Variants in DGKG observed in about 807,000 individuals in gnomAD.
DGKG encodes DAG kinase gamma.
DGKG carries 78 observed loss-of-function variants against 105.3 expected under a neutral mutation model. That is an observed-to-expected ratio of 0.74 (90% confidence interval 0.62 to 0.89). DGKG has a LOEUF of 0.89. Ranked by LOEUF, DGKG falls within the 40% of genes least tolerant of loss-of-function variation. The pLI is 0.00. For missense variants in DGKG, 958 were observed against 1,020.1 expected (o/e 0.94, Z 0.83); for synonymous variants, 346 against 367.1 (o/e 0.94, Z 0.66).
intron 5 of DGKG, among the ~76,000 whole-genome samples, chr3:186,289,383 TAGG>T (rs553673055): frequency 2.6e-4 from 39 of 152,242 alleles, no homozygotes; most frequent in African/African-American, 9.2e-4. Context: ...CTCCAGAAAC[TAGG>T]AAGAACTCAA....
At chr3:186,194,803 T>TAAAAAAAAAAAAAAAAAAAAAAAAA (rs57878064) in intron 21 of DGKG, among the ~76,000 whole-genome samples, 2 of 105,402 alleles carry the variant, frequency 1.9e-5, no homozygotes, top group Admixed American at 1.2e-4. Flanking sequence ...GGTCTTTCTT[T>TAAAAAAAAAAAAAAAAAAAAAAAAA]AAAAAAAAAA....
chr3:186,273,364 C>A (rs1174784845), intron 10 of DGKG, among the ~76,000 whole-genome samples: 1 of 88,816 alleles, frequency 1.1e-5, no homozygotes, highest in Non-Finnish European at 2.3e-5. Flanking sequence ...GACTGTTGTA[C>A]CCCTTTTTTT....
At chr3:186,310,276 A>AC (rs1449481564) in intron 2 of DGKG, among the ~76,000 whole-genome samples, 17 of 148,728 alleles carry the variant, frequency 1.1e-4, no homozygotes, top group Admixed American at 1.1e-3. Flanking sequence ...AAAAAAAAAA[A>AC]AAAAAAAAAA....
Position 186,148,813 on chromosome 3 carries a change from C to G in DGKG, c.*1277G>C. On this transcript the variant is annotated 3_prime_UTR_variant, in exon 25 of 25. Coordinates refer to ENST00000265022, the MANE Select transcript of DGKG (RefSeq NM_001346.3). Reference sequence around the variant, plus strand: ...GGGAGCTACTTTCATTCCCCTTAACCCTTGTGATCACCACAGGGAGATGCG... The same window carrying G: ...GGGAGCTACTTTCATTCCCCTTAACGCTTGTGATCACCACAGGGAGATGCG... 1.0e-6 allele frequency: 1 copy of G among 985,490 alleles called. No individual in the cohort carries two copies. The allele number at this position is 985,490 out of a possible 1,614,324, so 61.0% of individuals were successfully genotyped here.
intron 7 of DGKG, among the ~76,000 whole-genome samples, chr3:186,283,496 C>T (rs1722920804): frequency 6.6e-6 from 1 of 152,168 alleles, no homozygotes; most frequent in African/African-American, 2.4e-5. Context: ...AGGCCTTCCT[C>T]GGCGACCCTC....
intron 20 of DGKG, among the ~76,000 whole-genome samples, chr3:186,222,895 T>C (rs1719657957): frequency 1.3e-5 from 2 of 150,150 alleles, no homozygotes; most frequent in South Asian, 2.1e-4. Flanking sequence ...GGAGAATTGC[T>C]TGAACCTGGG....
intron 13 of DGKG, among the ~76,000 whole-genome samples, chr3:186,267,274 C>T (rs753390375): frequency 2.0e-5 from 3 of 152,164 alleles, no homozygotes; most frequent in Admixed American, 6.5e-5. Flanking sequence ...ATGTGCTTTC[C>T]TTGCTGGGTC....
chr3:186,179,600 A>AT (rs1717260743), intron 22 of DGKG, among the ~76,000 whole-genome samples: 1 of 152,240 alleles, frequency 6.6e-6, no homozygotes, highest in African/African-American at 2.4e-5. Context: ...TGTAGAAAAC[A>AT]TCACAGTTTC....
rs1303796257 is a variant in DGKG, at chr3:186,203,864, C to T, written c.1917+7931G>A. Among the ~76,000 whole-genome samples the T allele has an allele frequency of 6.6e-6, 1 of 152,194 alleles. No individual in the cohort carries two copies. The highest frequency in any genetic ancestry group is 6.5e-5 in the Admixed American group (1 of 15,276). On this transcript the variant is annotated intron_variant, in intron 21 of 24. Transcript: ENST00000265022. This position sits in a 1 kb window ranked among gnomAD's most constrained non-coding sequence, Gnocchi z 4.9. ...TGTACGTCAGCCAATTCCTACTTTCCTTACTCCAGGGAAAGGCTCTACCTG... is the reference window on the plus strand; with the variant it reads ...TGTACGTCAGCCAATTCCTACTTTCTTTACTCCAGGGAAAGGCTCTACCTG...
At chr3:186,162,862 A>C (rs1395737003) in intron 23 of DGKG, among the ~76,000 whole-genome samples, 1 of 151,836 alleles carries the variant, frequency 6.6e-6, no homozygotes, top group Non-Finnish European at 1.5e-5. Flanking sequence ...CCTTTTTAAA[A>C]ATCTCCTGAA....
At position 186,306,765 on chromosome 3, in the gene DGKG, C is replaced by T. The variant is rs139299846; in HGVS notation, c.144+136G>A. 24 of 638,244 alleles carry T rather than the reference C, an allele frequency of 3.8e-5. No homozygotes were observed. The African/African-American group carries it at 4.0e-4, about 11-fold the overall frequency. 39.5% of individuals were successfully genotyped at this position (638,244 alleles called of 1,614,324 possible). ...ATATAATGCCAGGTAGCACAAATGG[C>T]TCACTTGAGACTTAAGAGGAAACAT... On this transcript the variant is annotated intron_variant, in intron 3 of 24. Coordinates refer to ENST00000265022, the MANE Select transcript of DGKG (RefSeq NM_001346.3).
chr3:186,252,341 T>A (rs1560116187), intron 18 of DGKG, among the ~76,000 whole-genome samples: 1 of 152,264 alleles, frequency 6.6e-6, no homozygotes, highest in Non-Finnish European at 1.5e-5. Flanking sequence ...CAAGCATAGC[T>A]GATCATTGAA....
chr3:186,287,886 A>G (rs1306439844), intron 6 of DGKG, among the ~76,000 whole-genome samples: 1 of 152,210 alleles, frequency 6.6e-6, no homozygotes, highest in Non-Finnish European at 1.5e-5. Context: ...TGGCTGTAAC[A>G]TGTACATTTT....
chr3:186,330,616 G>A (rs184006760), intron 1 of DGKG, among the ~76,000 whole-genome samples: 11 of 152,302 alleles, frequency 7.2e-5, no homozygotes, highest in African/African-American at 2.4e-4. Context: ...GAGAGGCCAC[G>A]TGGATGAAGG....
At chr3:186,196,895 G>C (rs1406934087) in intron 21 of DGKG, among the ~76,000 whole-genome samples, 2 of 152,162 alleles carry the variant, frequency 1.3e-5, no homozygotes, top group Admixed American at 1.3e-4. Flanking sequence ...CGTGTGGTTT[G>C]GTGGCACACA....
intron 22 of DGKG, among the ~76,000 whole-genome samples, chr3:186,186,735 TGTCCATTGA>T (rs1329121330): frequency 6.6e-6 from 1 of 152,252 alleles, no homozygotes; most frequent in East Asian, 1.9e-4. Context: ...CCAGCTCACC[TGTCCATTGA>T]GGACCTGTGA....
chr3:186,307,081 C>T, intron 2 of DGKG, 104 bp from the exon 3 acceptor site: 2 of 769,122 alleles, frequency 2.6e-6, no homozygotes, highest in Non-Finnish European at 4.5e-6. Flanking sequence ...AGCTGCCCCT[C>T]AGTCCCAGAA....
chr3:186,238,052 G>A (rs1467470347), intron 20 of DGKG, among the ~76,000 whole-genome samples: 2 of 151,904 alleles, frequency 1.3e-5, no homozygotes, highest in Non-Finnish European at 1.5e-5. Context: ...CAGCACTTTC[G>A]GAGGCCATGG....
rs34226259 is a variant in DGKG at position 186,209,093 on chromosome 3, C to CTTTTTTTTTTTTTTTTTTTT, written c.1917+2682_1917+2701dup. On this transcript the variant is annotated intron_variant, in intron 21 of 24. Coordinates refer to ENST00000265022, the MANE Select transcript of DGKG (RefSeq NM_001346.3). ...TTTTCTCTCCCTTCAGTTTACTCTT[C>CTTTTTTTTTTTTTTTTTTTT]TTTTTTTTTTTTTTTTTTTTTTTAA... 1.1e-4 allele frequency among the ~76,000 whole-genome samples: 10 copies of CTTTTTTTTTTTTTTTTTTTT among 89,838 alleles called. 2 individuals are homozygous for CTTTTTTTTTTTTTTTTTTTT. The highest frequency in any genetic ancestry group is 4.8e-4 in the African/African-American group (10 of 20,744). The allele number at this position is 89,838 out of a possible 152,430, so 58.9% of individuals were successfully genotyped here.
Sources: allele counts gnomAD v4.1 joint callset (sites outside exome capture counted in the v4.1 genomes callset), GRCh38; gene constraint gnomAD v4.1.1; non-coding constraint Gnocchi (gnomAD v3.1); transcripts MANE v1.5; gene names NCBI Gene and HGNC (gene_info 2026-07-23, HGNC 2026-07-21).